CACNA2D3: variants seen among roughly 807,000 people sequenced by gnomAD.
CACNA2D3 encodes the protein voltage-dependent calcium channel subunit alpha-2/delta-3.
Under a neutral mutation model 160.6 loss-of-function variants are expected in CACNA2D3, and 60 were observed. The observed-to-expected ratio is 0.37, with a 90% CI of 0.30 to 0.46. The LOEUF (loss-of-function observed/expected upper bound fraction) is 0.46, where lower values mean the gene tolerates loss of function less well. Among genes scored for constraint, CACNA2D3 ranks in the 20% least tolerant of loss-of-function variants. The pLI, the probability that CACNA2D3 is intolerant of heterozygous loss-of-function variation, is 1.00. For missense variants in CACNA2D3, 1,205 were observed against 1,365.0 expected (o/e 0.88, Z 1.85); for synonymous variants, 558 against 492.9 (o/e 1.13, Z -1.75).
chr3:54,377,773 T>G (rs1390549135), intron 3 of CACNA2D3, among the ~76,000 whole-genome samples: 1 of 152,220 alleles, frequency 6.6e-6, no homozygotes, highest in Non-Finnish European at 1.5e-5. Context: ...GGCCTAAGAC[T>G]CAGTTATCTA....
At chr3:54,652,386 C>A (rs1699786968) in intron 11 of CACNA2D3, among the ~76,000 whole-genome samples, 1 of 152,168 alleles carries the variant, frequency 6.6e-6, no homozygotes, top group Non-Finnish European at 1.5e-5. Flanking sequence ...GAGCAGATAA[C>A]AGATCACAGG....
chr3:54,599,272 A>G (rs1397125521), intron 9 of CACNA2D3, among the ~76,000 whole-genome samples: 5 of 152,206 alleles, frequency 3.3e-5, no homozygotes, highest in Admixed American at 2.6e-4. Flanking sequence ...AAACCCTTGG[A>G]TCTTATATTT....
intron 8 of CACNA2D3, among the ~76,000 whole-genome samples, chr3:54,578,492 T>G (rs1702623107): frequency 6.6e-6 from 1 of 152,224 alleles, no homozygotes. Context: ...GGGGTCCCCC[T>G]CGGGAGGAGC....
intron 9 of CACNA2D3, among the ~76,000 whole-genome samples, chr3:54,588,023 G>A (rs1456459096): frequency 1.3e-5 from 2 of 152,070 alleles, no homozygotes; most frequent in East Asian, 3.9e-4. Flanking sequence ...TGCAGAAAAA[G>A]AACAATATTT....
intron 35 of CACNA2D3, among the ~76,000 whole-genome samples, chr3:55,054,573 TTAATATA>T (rs1388770926): frequency 6.7e-6 from 1 of 149,658 alleles, no homozygotes; most frequent in East Asian, 1.9e-4. Flanking sequence ...TAAAGTTTAA[TTAATATA>T]TAAATATATT....
chr3:54,421,929 C>G (rs1575446174), intron 4 of CACNA2D3, among the ~76,000 whole-genome samples: 1 of 152,294 alleles, frequency 6.6e-6, no homozygotes, highest in East Asian at 1.9e-4. Context: ...GTCCACCACA[C>G]CGAGAGCCTT....
intron 29 of CACNA2D3, among the ~76,000 whole-genome samples, chr3:54,981,208 T>C (rs1702499135): frequency 6.6e-6 from 1 of 152,232 alleles, no homozygotes; most frequent in Non-Finnish European, 1.5e-5. Context: ...TTCAGGGATG[T>C]GCAGCAAAGT....
chr3:54,611,687 G>A (rs186156652), intron 9 of CACNA2D3, among the ~76,000 whole-genome samples: 32 of 152,296 alleles, frequency 2.1e-4, no homozygotes, highest in African/African-American at 7.5e-4. Context: ...AAAGGGGGTG[G>A]AGTGCAGAGA....
intron 4 of CACNA2D3, among the ~76,000 whole-genome samples, chr3:54,495,152 C>T (rs983245326): frequency 1.2e-4 from 19 of 152,112 alleles, no homozygotes; most frequent in East Asian, 3.9e-4. Flanking sequence ...CAAGGTATTT[C>T]CGCACAGTGA....
chr3:54,205,541 A>G (rs1449258077), intron 2 of CACNA2D3, among the ~76,000 whole-genome samples: 1 of 152,210 alleles, frequency 6.6e-6, no homozygotes, highest in Non-Finnish European at 1.5e-5. Flanking sequence ...AAATTATGAT[A>G]ACTCTGTTGG....
At chr3:54,675,444 T>C (rs1190690179) in intron 11 of CACNA2D3, among the ~76,000 whole-genome samples, 5 of 152,136 alleles carry the variant, frequency 3.3e-5, no homozygotes, top group African/African-American at 7.2e-5. Context: ...CTGAAGGGCC[T>C]GACCTTTTCT....
rs117935610 is a variant in CACNA2D3, at chr3:54,871,360, G to A, written c.1627-179G>A. On this transcript the variant is annotated intron_variant, in intron 17 of 37. Coordinates refer to ENST00000474759, the MANE Select transcript of CACNA2D3 (RefSeq NM_018398.3). Reference sequence around the variant, plus strand: ...TTGGAGCCAATGTTTAGAGGCATCTGACCTTGGCTTTCCTGTCATTAAAAG... The same window carrying A: ...TTGGAGCCAATGTTTAGAGGCATCTAACCTTGGCTTTCCTGTCATTAAAAG... 6.6e-5 allele frequency among the ~76,000 whole-genome samples: 10 copies of A among 152,274 alleles called. 1 individual carries two copies. The East Asian group carries it at 1.9e-3, about 29-fold the overall frequency.
intron 14 of CACNA2D3, 63 bp from the exon 15 acceptor site, chr3:54,837,096 G>A: frequency 7.3e-7 from 1 of 1,378,352 alleles, no homozygotes; most frequent in African/African-American, 1.4e-5. Context: ...TGTCAAGGGG[G>A]TGGCCTCCAG....
chr3:55,029,614 C>CT (rs924893204), intron 35 of CACNA2D3, among the ~76,000 whole-genome samples: 6 of 152,126 alleles, frequency 3.9e-5, no homozygotes, highest in African/African-American at 1.4e-4. Flanking sequence ...TAAAATAGCT[C>CT]TTGGATTTTT....
At chr3:54,303,122 G>C (rs1220401162) in intron 2 of CACNA2D3, among the ~76,000 whole-genome samples, 2 of 152,112 alleles carry the variant, frequency 1.3e-5, no homozygotes, top group African/African-American at 2.4e-5. Context: ...TTGTCATGGT[G>C]TATAATGACA....
intron 11 of CACNA2D3, among the ~76,000 whole-genome samples, chr3:54,655,919 T>C (rs568212955): frequency 6.6e-6 from 1 of 152,304 alleles, no homozygotes; most frequent in Non-Finnish European, 1.5e-5. Context: ...CTGATCTGAG[T>C]GACTTCAGGC....
Position 55,033,838 on chromosome 3 carries a change from TATATATTACATATTA to T in CACNA2D3, c.2987+15523_2987+15537del, listed in dbSNP as rs1455302400. On this transcript the variant is annotated intron_variant, in intron 35 of 37. Transcript: ENST00000474759. ...TATATTAAATATATTTAATATATAA[TATATATTACATATTA>T]AATATATTTAATATATAATATATAT... 5.7e-3 allele frequency among the ~76,000 whole-genome samples: 665 copies of T among 116,156 alleles called. 64 individuals are homozygous for T. Among genetic ancestry groups the T allele is most frequent in the African/African-American group, 0.023 (641 of 28,092 alleles). 76.2% of individuals were successfully genotyped at this position (116,156 alleles called of 152,430 possible). A position where few individuals can be genotyped will look rare whatever the true frequency, so the allele number is the denominator to read the frequency against.
intron 11 of CACNA2D3, among the ~76,000 whole-genome samples, chr3:54,642,650 G>C (rs939675238): frequency 2.0e-5 from 3 of 151,904 alleles, no homozygotes; most frequent in African/African-American, 7.3e-5. Context: ...TTCCTCCCAC[G>C]GCCCCCATTA....
At chr3:54,985,204 G>T (rs577705335) in intron 30 of CACNA2D3, among the ~76,000 whole-genome samples, 1 of 152,344 alleles carries the variant, frequency 6.6e-6, no homozygotes, top group East Asian at 1.9e-4. Flanking sequence ...AGAGATAGAA[G>T]AGGAATATTC....
Sources: allele counts gnomAD v4.1 joint callset (sites outside exome capture counted in the v4.1 genomes callset), GRCh38; gene constraint gnomAD v4.1.1; transcripts MANE v1.5; gene names NCBI Gene and HGNC (gene_info 2026-07-23, HGNC 2026-07-21).